Variants in NOTCH3 observed in about 807,000 individuals in gnomAD.
NOTCH3 encodes the protein neurogenic locus notch homolog protein 3.
Under a neutral mutation model 213.3 loss-of-function variants are expected in NOTCH3, and 86 were observed. That is an observed-to-expected ratio of 0.40 (90% CI 0.34 to 0.48). The LOEUF is 0.48. Ranked by LOEUF, NOTCH3 falls within the 20% of genes least tolerant of loss-of-function variation. NOTCH3 has a pLI of 0.57. For missense variants in NOTCH3, 2,783 were observed against 3,272.6 expected, an observed-to-expected ratio of 0.85 and a Z score of 3.65; for synonymous variants, 1,354 against 1,355.9, an observed-to-expected ratio of 1.00 and a Z score of 0.03.
At chr19:15,190,862 C>T (rs1395253977) in intron 6 of NOTCH3, among the ~76,000 whole-genome samples, 1 of 152,118 alleles carries the variant, frequency 6.6e-6, no homozygotes, top group Non-Finnish European at 1.5e-5. Context: ...GTTGGGGTTA[C>T]AGGCGTGAGC....
At chr19:15,193,792 AAAAC>A (rs1568362688) in intron 2 of NOTCH3, among the ~76,000 whole-genome samples, 17 of 138,274 alleles carry the variant, frequency 1.2e-4, no homozygotes, top group African/African-American at 3.4e-4. Context: ...AAAAACAAAA[AAAAC>A]AAACAGGCCA....
In NOTCH3 at chr19:15,185,084, C is replaced by T; in HGVS notation, c.2297-65G>A. 1.6e-6 allele frequency: 2 copies of T among 1,244,254 alleles called. No individual in the cohort carries two copies. The highest frequency in any genetic ancestry group is 2.2e-6 in the Non-Finnish European group (2 of 891,220). The allele number at this position is 1,244,254 out of a possible 1,614,324, so 77.1% of individuals were successfully genotyped here. On this transcript the variant is annotated intron_variant, in intron 14 of 32. Transcript: ENST00000263388. The surrounding 1 kb of genome is among the most constrained non-coding windows in gnomAD (Gnocchi z 4.2). ...AGGGACTCCCTGATCCCATCTCCCC[C>T]CACCTCCCCCAACCCCAGGGTCCCC...
In NOTCH3 at chr19:15,189,044, T is replaced by C; in HGVS notation, c.1323A>G (p.Arg441=). The change falls in exon 8 of 33, where the codon CGA becomes CGG. Residue 441 remains arginine, a synonymous_variant. Coordinates refer to ENST00000263388, the MANE Select transcript of NOTCH3 (RefSeq NM_000435.3). ...DVNECLSGPC[R]NQATCLDRIG... ...TGCGGTCGAGGCACGTGGCCTGGTT[T>C]CGGCAGGGCCCCGACAGACACTCGT... The C allele has an allele frequency of 6.2e-7, 1 of 1,613,170 alleles. No homozygotes were observed. The highest frequency in any genetic ancestry group is 1.1e-5 in the South Asian group (1 of 91,086).
Position 15,165,309 on chromosome 19 carries a change from G to T in NOTCH3, c.5815+59C>A. On this transcript the variant is annotated intron_variant, in intron 31 of 32. Transcript: ENST00000263388. The surrounding 1 kb of genome is among the most constrained non-coding windows in gnomAD (Gnocchi z 4.7). Reference sequence around the variant, plus strand: ...CATGGGTATGAATTTGCACCAACATGACCCTCAGGGCCCAGGTGACACCAA... The same window carrying T: ...CATGGGTATGAATTTGCACCAACATTACCCTCAGGGCCCAGGTGACACCAA... 1.3e-6 allele frequency: 2 copies of T among 1,557,794 alleles called. No individual in the cohort carries two copies. The highest frequency in any genetic ancestry group is 2.2e-5 in the South Asian group (2 of 90,162).
At chr19:15,171,308 C>A (rs535872689) in intron 25 of NOTCH3, among the ~76,000 whole-genome samples, 1 of 152,098 alleles carries the variant, frequency 6.6e-6, no homozygotes, top group East Asian at 1.9e-4. Context: ...GGATTACAGG[C>A]GTGAGCCGCC....
rs971180869 is a variant in NOTCH3, at chr19:15,165,431, C to T, written c.5752G>A (p.Val1918Ile). 8 of 1,612,044 alleles carry T rather than the reference C, an allele frequency of 5.0e-6. No homozygotes were observed. The highest frequency in any genetic ancestry group is 6.8e-6 in the Non-Finnish European group (8 of 1,180,000). Reference protein sequence around the residue: ...TALILAARLAVEGMVEELIAS... With the variant: ...TALILAARLAIEGMVEELIAS... ...ATGAGCTCTTCCACCATGCCCTCTA[C>T]TGCCAGGCGGGCCGCCAGGATCAGT... Residue 1918 changes from valine (V) to isoleucine (I), a missense_variant, in exon 31 of 33, where the codon GTA (valine) becomes ATA (isoleucine). Physicochemically the swap from Val to Ile is conservative, Grantham distance 29 (BLOSUM62 3). Coordinates refer to ENST00000263388, the MANE Select transcript of NOTCH3 (RefSeq NM_000435.3). The surrounding 1 kb of genome is among the most constrained non-coding windows in gnomAD (Gnocchi z 4.7).
intron 8 of NOTCH3, 46 bp from the exon 9 acceptor site, chr19:15,188,394 T>G: frequency 7.9e-7 from 1 of 1,271,584 alleles, no homozygotes; most frequent in Non-Finnish European, 1.1e-6. Flanking sequence ...TACCCTATGG[T>G]GTGAACGGGG....
intron 2 of NOTCH3, among the ~76,000 whole-genome samples, chr19:15,195,892 G>T: frequency 6.6e-6 from 1 of 151,532 alleles, no homozygotes; most frequent in East Asian, 2.0e-4. Context: ...CCGCCCCACG[G>T]CCTAAGCTTT....
chr19:15,182,673 G>A (rs550849958), intron 16 of NOTCH3, among the ~76,000 whole-genome samples: 9 of 150,284 alleles, frequency 6.0e-5, no homozygotes, highest in African/African-American at 1.2e-4. Context: ...ATGGGGTTTC[G>A]CTCTTGTTGC....
In NOTCH3 at chr19:15,177,901, G is replaced by A. The variant is rs1340240342; in HGVS notation, c.4027C>T (p.Pro1343Ser). 15 of 1,269,134 alleles carry A rather than the reference G, an allele frequency of 1.2e-5. No homozygotes were observed. Among genetic ancestry groups the A allele is most frequent in the Non-Finnish European group, 1.4e-5 (14 of 1,011,140 alleles). The allele number at this position is 1,269,134 out of a possible 1,614,324, so 78.6% of individuals were successfully genotyped here. A position where few individuals can be genotyped will look rare whatever the true frequency, so the allele number is the denominator to read the frequency against. ...CGGCAGGAGCCCCCGTGGAGACAGG[G>A]GGCGGCCGCGCAGCTGGCGTTGCTG... is the stretch of plus-strand genomic sequence containing the variant. ...GASNASCAAAPCLHGGSCRPA... is the reference protein window; with the variant it reads ...GASNASCAAASCLHGGSCRPA... The change falls in exon 24 of 33, where the codon CCC becomes TCC. Residue 1343 changes from proline (P) to serine (S), a missense_variant. Physicochemically the swap from Pro to Ser is moderately conservative, Grantham distance 74. This residue lies in a region of NOTCH3 where 133 missense variants were observed against 201.9 expected (regional missense o/e 0.66). Transcript: ENST00000263388.
chr19:15,187,376 A>C, intron 10 of NOTCH3, 38 bp from the exon 11 acceptor site: 2 of 1,577,628 alleles, frequency 1.3e-6, no homozygotes, highest in Non-Finnish European at 1.7e-6. Context: ...CCCACTTGCC[A>C]GGGGCCTGCC....
rs1269967598 is a variant in NOTCH3, at chr19:15,160,846, G to A, written c.6782C>T (p.Pro2261Leu). 6.2e-7 allele frequency: 1 copy of A among 1,614,066 alleles called. No homozygotes were observed. The highest frequency in any genetic ancestry group is 2.2e-5 in the East Asian group (1 of 44,870). ...SPEHWASPSP[P>L]SLSDWSESTP... The stretch of plus-strand genomic sequence containing the variant: ...GGATTCGGACCAGTCTGAGAGGGAG[G>A]GAGGTGAGGGGCTGGCCCAGTGCTC... Residue 2261 changes from proline to leucine, a missense_variant, in exon 33 of 33, where the codon CCC (proline) becomes CTC (leucine). By Grantham distance (98) the Pro-to-Leu change is moderately conservative. Around this residue, in one of 6 missense-constraint regions of NOTCH3, gnomAD observed 441 missense variants for 432.1 expected, o/e 1.02. Coordinates refer to ENST00000263388, the MANE Select transcript of NOTCH3 (RefSeq NM_000435.3).
In NOTCH3 at chr19:15,181,668, G is replaced by GGT; in HGVS notation, c.2698_2699dup (p.Cys901ProfsTer44). ...TGAAGGAGGCCACGTGGTCGGTACA[G>GGT]GTGCCCGGGCCGCAGGGGTTGCTCA... On this transcript the variant is annotated frameshift_variant, in exon 17 of 33. Transcript: ENST00000263388. LOFTEE classifies it high-confidence loss of function. 6.4e-7 allele frequency: 1 copy of GGT among 1,554,314 alleles called. No individual in the cohort carries two copies. Among genetic ancestry groups the GGT allele is most frequent in the Non-Finnish European group, 8.7e-7 (1 of 1,148,680 alleles).
In NOTCH3 at chr19:15,192,314, C is replaced by A. The variant is rs765648598; in HGVS notation, c.341-16G>T. The A allele has an allele frequency of 2.5e-5, 41 of 1,610,804 alleles. No individual in the cohort carries two copies. The highest frequency in any genetic ancestry group is 3.4e-5 in the Non-Finnish European group (40 of 1,179,190). On this transcript the variant is annotated splice_polypyrimidine_tract_variant and intron_variant, in intron 3 of 32. Transcript: ENST00000263388. ...CAGTCAGGGCCTGGAGGGACCAGGA[C>A]AGGGTGAGTTTAGGACTGACCACAC... is the stretch of plus-strand genomic sequence containing the variant.
chr19:15,161,785 G>GCTCCCCCA, intron 32 of NOTCH3, 71 bp from the exon 33 acceptor site: 1 of 1,364,970 alleles, frequency 7.3e-7, no homozygotes, highest in Non-Finnish European at 1.0e-6. Flanking sequence ...AGCCTCTTGG[G>GCTCCCCCA]GGAGCCCGAG....
Position 15,197,285 on chromosome 19 carries a change from G to A in NOTCH3, c.197+215C>T, listed in dbSNP as rs73506364. 0.066 allele frequency among the ~76,000 whole-genome samples: 10,063 copies of A among 152,278 alleles called. 924 individuals carry two copies. Among genetic ancestry groups the A allele is most frequent in the African/African-American group, 0.21 (8,781 of 41,510 alleles). On this transcript the variant is annotated intron_variant, in intron 2 of 32. Transcript: ENST00000263388. Reference sequence around the variant, plus strand: ...AAAGAGTTTAATTCCTAGCCGGTCAGCAACATGATGTGGGACTTGAACCCA... The same window carrying A: ...AAAGAGTTTAATTCCTAGCCGGTCAACAACATGATGTGGGACTTGAACCCA...
In NOTCH3 at chr19:15,162,410, T is replaced by C. The variant is rs757472; in HGVS notation, c.5913+55A>G. The C allele has an allele frequency of 0.88, 1,063,389 of 1,203,946 alleles. 471,057 individuals are homozygous for C. Among genetic ancestry groups the C allele is most frequent in the Non-Finnish European group, 0.91 (732,337 of 809,020 alleles). The allele number at this position is 1,203,946 out of a possible 1,614,324, so 74.6% of individuals were successfully genotyped here. ...GTCTCACTCTGTTGCCCAGGCTGGA[T>C]TGCAATGGCACTGTGCCACTGCTGA... is the stretch of plus-strand genomic sequence containing the variant. On this transcript the variant is annotated intron_variant, in intron 32 of 32. Coordinates refer to ENST00000263388, the MANE Select transcript of NOTCH3 (RefSeq NM_000435.3).
Position 15,186,912 on chromosome 19 carries a change from G to T in NOTCH3, c.1917C>A (p.Asn639Lys), listed in dbSNP as rs371526861. 1 of 1,614,086 alleles carries T rather than the reference G, an allele frequency of 6.2e-7. No homozygotes were observed. Among genetic ancestry groups the T allele is most frequent in the African/African-American group, 1.3e-5 (1 of 74,928 alleles). The change falls in exon 12 of 33, where the codon AAC becomes AAA. Residue 639 changes from asparagine (N) to lysine (K), a missense_variant. Coordinates refer to ENST00000263388, the MANE Select transcript of NOTCH3 (RefSeq NM_000435.3). ...CTFGVCRDGI[N>K]RYDCVCQPGF... The stretch of plus-strand genomic sequence containing the variant: ...CAGGTTGGCAGACACAGTCGTAGCG[G>T]TTGATGCCATCACGGCAGACTCCAA...
chr19:15,176,190 CAG>C (rs1408249363), intron 24 of NOTCH3, among the ~76,000 whole-genome samples: 2 of 120,938 alleles, frequency 1.7e-5, no homozygotes, highest in African/African-American at 3.3e-5. Flanking sequence ...TTTGGTGAGA[CAG>C]AGATTTACTC....
Sources: gnomAD v4.1 joint callset for allele counts (sites outside exome capture counted in the v4.1 genomes callset) on GRCh38, gnomAD v4.1.1 for gene constraint, gnomAD v4.1.1 regional missense constraint, Gnocchi (gnomAD v3.1) non-coding constraint, MANE v1.5 for transcripts, NCBI Gene and HGNC (gene_info 2026-07-23, HGNC 2026-07-21) for gene names.